LRRC27: variants seen among roughly 807,000 people sequenced by gnomAD.
LRRC27 encodes leucine rich repeat containing 27.
A neutral mutation model predicts 55.0 loss-of-function variants in LRRC27; 57 were observed. The ratio of observed to expected loss-of-function variants is 1.04; its 90% CI spans 0.84 to 1.29. The LOEUF is 1.29. LRRC27 is among the 50% of genes most tolerant of loss of function. The pLI is 0.00. For missense variants in LRRC27, 721 were observed against 651.5 expected, an observed-to-expected ratio of 1.11 and a Z score of -1.16; for synonymous variants, 278 against 251.9, an observed-to-expected ratio of 1.10 and a Z score of -0.98.
In LRRC27 at chr10:132,365,421, C is replaced by T. The variant is rs200519732; in HGVS notation, c.1290-3C>T. 1.2e-6 allele frequency: 2 copies of T among 1,613,454 alleles called. No homozygotes were observed. Among genetic ancestry groups the T allele is most frequent in the East Asian group, 2.2e-5 (1 of 44,882 alleles). On this transcript the variant is annotated splice_region_variant and splice_polypyrimidine_tract_variant and intron_variant, in intron 9 of 10. Coordinates refer to ENST00000368614, the MANE Select transcript of LRRC27 (RefSeq NM_030626.3). The stretch of plus-strand genomic sequence containing the variant: ...ATTTCCCTCTTTGCCCTTTGTTTCT[C>T]AGTGCCCTGCAGGAGAGAAATTTAG...
intron 7 of LRRC27, chr10:132,353,400 C>T (rs989889943): frequency 6.8e-5 from 70 of 1,032,402 alleles, no homozygotes; most frequent in Non-Finnish European, 7.9e-5. Context: ...GAAGCCACCC[C>T]GTTGTGTGTG....
In LRRC27 at chr10:132,339,557, C is replaced by T. The variant is rs558178705; in HGVS notation, c.341+1862C>T. On this transcript the variant is annotated intron_variant, in intron 3 of 10. Transcript: ENST00000368614. ...GGTACATCTGCCGAGCCCGGCCAGC[C>T]GCTTGTGTTTTGGGAGCTGCATGGG... Among the ~76,000 whole-genome samples the T allele has an allele frequency of 3.9e-4, 60 of 152,288 alleles. 1 individual carries two copies. Among genetic ancestry groups the T allele is most frequent in the South Asian group, 1.2e-3 (6 of 4,824 alleles).
intron 7 of LRRC27, among the ~76,000 whole-genome samples, chr10:132,355,515 T>C (rs960723863): frequency 6.6e-6 from 1 of 152,176 alleles, no homozygotes; most frequent in Non-Finnish European, 1.5e-5. Flanking sequence ...TGATGCCTTT[T>C]CCTCGGTCAC....
In LRRC27 at chr10:132,333,159, G is replaced by C. The variant is rs148156609; in HGVS notation, c.-48-318G>C. The stretch of plus-strand genomic sequence containing the variant: ...CCCCTAGTCATTTCATGGAAGCGTT[G>C]CAGTTGATTTACAGGCTTTGAAATG... On this transcript the variant is annotated intron_variant, in intron 1 of 10. Coordinates refer to ENST00000368614, the MANE Select transcript of LRRC27 (RefSeq NM_030626.3). Among the ~76,000 whole-genome samples, 1,215 of 152,276 alleles carry C rather than the reference G, an allele frequency of 8.0e-3. 12 individuals carry two copies. The highest frequency in any genetic ancestry group is 0.013 in the Non-Finnish European group (894 of 68,022).
intron 5 of LRRC27, among the ~76,000 whole-genome samples, chr10:132,345,790 A>G (rs7894664): frequency 6.6e-6 from 1 of 152,200 alleles, no homozygotes; most frequent in South Asian, 2.1e-4. Flanking sequence ...CAGGGAGCAC[A>G]GGAGACACGG....
intron 10 of LRRC27, among the ~76,000 whole-genome samples, chr10:132,370,506 A>G (rs937867585): frequency 1.3e-5 from 2 of 152,186 alleles, no homozygotes; most frequent in African/African-American, 4.8e-5. Context: ...GAAGCAGCTG[A>G]TCCTGCCCTA....
chr10:132,371,229 A>C (rs965689664), intron 10 of LRRC27, among the ~76,000 whole-genome samples: 28 of 151,810 alleles, frequency 1.8e-4, no homozygotes, highest in Non-Finnish European at 2.2e-4. Context: ...CGTCGGGAGC[A>C]CCCCCCCATG....
At chr10:132,364,792 TCACA>T in intron 9 of LRRC27, among the ~76,000 whole-genome samples, 1 of 117,344 alleles carries the variant, frequency 8.5e-6, no homozygotes, top group Non-Finnish European at 1.8e-5. Context: ...ACGCCCACAC[TCACA>T]CCCACCCACA....
At chr10:132,357,934 C>T (rs1425918614) in intron 8 of LRRC27, among the ~76,000 whole-genome samples, 3 of 152,186 alleles carry the variant, frequency 2.0e-5, no homozygotes, top group Non-Finnish European at 4.4e-5. Flanking sequence ...CTGTTCTGCG[C>T]ACCCCACAGG....
chr10:132,364,327 C>T (rs1057263370), intron 9 of LRRC27, among the ~76,000 whole-genome samples: 5 of 67,214 alleles, frequency 7.4e-5, no homozygotes, highest in African/African-American at 1.8e-4. Context: ...ACACCACACC[C>T]ATGACCACAC....
chr10:132,351,881 G>A, intron 7 of LRRC27, 128 bp downstream of exon 7: 1 of 1,155,784 alleles, frequency 8.7e-7, no homozygotes, highest in South Asian at 1.6e-5. Context: ...TGCTGATCCA[G>A]GATCCGTCTC....
chr10:132,351,539 A>G, intron 6 of LRRC27, 68 bp from the exon 7 acceptor site: 2 of 1,546,792 alleles, frequency 1.3e-6, no homozygotes, highest in Non-Finnish European at 1.8e-6. Flanking sequence ...TTTACATTTC[A>G]CATGTTGTAT....
rs1276087336 is a variant in LRRC27, at chr10:132,337,129, G to A, written c.211-436G>A. On this transcript the variant is annotated intron_variant, in intron 2 of 10. Coordinates refer to ENST00000368614, the MANE Select transcript of LRRC27 (RefSeq NM_030626.3). ...AGTTTCATTTTAATGATTGAGTTGGGCTGAGTCCCCCAGACCAGACATGGC... is the reference window on the plus strand; with the variant it reads ...AGTTTCATTTTAATGATTGAGTTGGACTGAGTCCCCCAGACCAGACATGGC... The A allele has an allele frequency of 3.3e-6, 4 of 1,209,828 alleles. No individual in the cohort carries two copies. In the South Asian group the frequency reaches 5.9e-5, roughly 18 times the overall value. The allele number at this position is 1,209,828 out of a possible 1,614,324, so 74.9% of individuals were successfully genotyped here. A position where few individuals can be genotyped will look rare whatever the true frequency, so the allele number is the denominator to read the frequency against.
At chr10:132,368,258 C>A (rs1049468784) in intron 10 of LRRC27, among the ~76,000 whole-genome samples, 1 of 152,198 alleles carries the variant, frequency 6.6e-6, no homozygotes, top group Non-Finnish European at 1.5e-5. Context: ...GTAGTCAGTT[C>A]TTCCCAACTT....
At chr10:132,339,524 G>T (rs2067300433) in intron 3 of LRRC27, among the ~76,000 whole-genome samples, 1 of 152,166 alleles carries the variant, frequency 6.6e-6, no homozygotes, top group Admixed American at 6.5e-5. Context: ...GTGTTCCGGG[G>T]CTCAGCTGGT....
intron 8 of LRRC27, among the ~76,000 whole-genome samples, chr10:132,357,898 A>C (rs558550475): frequency 1.3e-3 from 199 of 152,286 alleles, no homozygotes; most frequent in South Asian, 5.8e-3. Flanking sequence ...CTGTGGCAGC[A>C]GGCAGGGCTC....
intron 3 of LRRC27, among the ~76,000 whole-genome samples, chr10:132,340,437 C>G (rs1228494614): frequency 6.6e-6 from 1 of 152,176 alleles, no homozygotes; most frequent in Non-Finnish European, 1.5e-5. Context: ...TCTGCCTTGA[C>G]AAAGCCCTAG....
chr10:132,367,007 C>T lies in LRRC27; in HGVS notation c.1416+1457C>T, dbSNP rs145905173. ...AAACTCTTATTCTTTCTAAATCCAT[C>T]GTTTATGAGTATGACCTTGTCCTTG... is the stretch of plus-strand genomic sequence containing the variant. On this transcript the variant is annotated intron_variant, in intron 10 of 10. Coordinates refer to ENST00000368614, the MANE Select transcript of LRRC27 (RefSeq NM_030626.3). 5.0e-5 allele frequency: 60 copies of T among 1,208,244 alleles called. No individual in the cohort carries two copies. The East Asian group carries it at 1.3e-3, about 26-fold the overall frequency. The allele number at this position is 1,208,244 out of a possible 1,614,324, so 74.8% of individuals were successfully genotyped here.
At chr10:132,331,292 T>C, upstream of LRRC27, 1 of 705,184 alleles carries the variant, frequency 1.4e-6, no homozygotes. Flanking sequence ...GGACAGAGGG[T>C]GCTACTTTTC....
Sources: allele counts gnomAD v4.1 joint callset (sites outside exome capture counted in the v4.1 genomes callset), GRCh38; gene constraint gnomAD v4.1.1; transcripts MANE v1.5; gene names NCBI Gene and HGNC (gene_info 2026-07-23, HGNC 2026-07-21).